The following TMTC2 variants were observed in gnomAD, a reference collection of about 807,000 sequenced individuals.
TMTC2 encodes the protein transmembrane O-mannosyltransferase targeting cadherins 2.
In TMTC2, 43 loss-of-function variants were observed where a neutral mutation model predicts 82.4. The ratio of observed to expected loss-of-function variants is 0.52; its 90% CI spans 0.41 to 0.67. The LOEUF (loss-of-function observed/expected upper bound fraction) is 0.67, where lower values mean the gene tolerates loss of function less well. Among genes scored for constraint, TMTC2 ranks in the 30% least tolerant of loss-of-function variants. The pLI is 0.00. For missense variants in TMTC2, 919 were observed against 1,012.4 expected (o/e 0.91, Z 1.25); for synonymous variants, 408 against 381.9 (o/e 1.07, Z -0.80).
At chr12:82,740,306 C>T (rs1324968505) in intron 1 of TMTC2, among the ~76,000 whole-genome samples, 1 of 152,178 alleles carries the variant, frequency 6.6e-6, no homozygotes, top group Non-Finnish European at 1.5e-5. Flanking sequence ...TATTGAACAG[C>T]TACTATGTAG....
At chr12:82,915,564 G>C (rs141895835) in intron 3 of TMTC2, among the ~76,000 whole-genome samples, 1 of 152,290 alleles carries the variant, frequency 6.6e-6, no homozygotes, top group Non-Finnish European at 1.5e-5. Flanking sequence ...ATACCTGATG[G>C]CTGGATCCAC....
chr12:83,013,529 T>C (rs1166491177), intron 8 of TMTC2, among the ~76,000 whole-genome samples: 1 of 152,238 alleles, frequency 6.6e-6, no homozygotes, highest in African/African-American at 2.4e-5. Context: ...TTTGCATTTT[T>C]TGTGGACTTT....
intron 9 of TMTC2, among the ~76,000 whole-genome samples, chr12:83,046,877 G>A (rs1285815650): frequency 2.0e-5 from 3 of 152,140 alleles, no homozygotes; most frequent in Admixed American, 6.6e-5. Flanking sequence ...CATTGCTTCA[G>A]CATAATTAAT....
chr12:82,687,333 C>G lies in TMTC2; in HGVS notation c.-254C>G, dbSNP rs1293854768. On this transcript the variant is annotated 5_prime_UTR_variant, in exon 1 of 12. Coordinates refer to ENST00000321196, the MANE Select transcript of TMTC2 (RefSeq NM_152588.3). The stretch of plus-strand genomic sequence containing the variant: ...GACGCGGAGCCCAAACGCCGCTCAC[C>G]GCTTGCGGGCGCCGGGCATGGGGAG... The G allele has an allele frequency of 1.8e-6, 1 of 544,710 alleles. No individual in the cohort carries two copies. The highest frequency in any genetic ancestry group is 2.1e-5 in the South Asian group (1 of 47,524). 33.7% of individuals were successfully genotyped at this position (544,710 alleles called of 1,614,324 possible). A position where few individuals can be genotyped will look rare whatever the true frequency, so the allele number is the denominator to read the frequency against.
chr12:83,096,662 C>T (rs535836443), intron 11 of TMTC2, among the ~76,000 whole-genome samples: 2 of 152,302 alleles, frequency 1.3e-5, no homozygotes, highest in African/African-American at 2.4e-5. Context: ...ATCACTAGAA[C>T]AGCAGGAGAA....
intron 11 of TMTC2, among the ~76,000 whole-genome samples, chr12:83,067,778 C>T (rs1882971059): frequency 6.6e-6 from 1 of 151,928 alleles, no homozygotes; most frequent in Non-Finnish European, 1.5e-5. Flanking sequence ...TGGTAGATTA[C>T]TTCTAGTTTG....
At chr12:82,923,794 A>G (rs1249119895) in intron 3 of TMTC2, among the ~76,000 whole-genome samples, 2 of 152,220 alleles carry the variant, frequency 1.3e-5, no homozygotes, top group Non-Finnish European at 2.9e-5. Context: ...GAGAACTGAC[A>G]TCTTTATAAT....
intron 11 of TMTC2, among the ~76,000 whole-genome samples, chr12:83,131,883 G>A (rs1026376157): frequency 6.6e-6 from 1 of 152,044 alleles, no homozygotes; most frequent in African/African-American, 2.4e-5. Flanking sequence ...ATCTGAAATT[G>A]TATCACTTGT....
At chr12:82,881,466 G>T (rs1397274446) in intron 2 of TMTC2, among the ~76,000 whole-genome samples, 2 of 152,176 alleles carry the variant, frequency 1.3e-5, no homozygotes, top group South Asian at 2.1e-4. Flanking sequence ...ATTACACAAA[G>T]ATTTCATCTA....
intron 1 of TMTC2, among the ~76,000 whole-genome samples, chr12:82,772,619 T>C (rs1364560445): frequency 1.3e-5 from 2 of 151,996 alleles, no homozygotes; most frequent in Non-Finnish European, 2.9e-5. Flanking sequence ...GTAGAAAAAA[T>C]GTTGGTTTCT....
intron 1 of TMTC2, chr12:82,690,336 A>T (rs539328495): frequency 1.0e-6 from 1 of 984,452 alleles, no homozygotes; most frequent in Non-Finnish European, 1.2e-6. Flanking sequence ...CAGTTCTGTA[A>T]GGAGAGGCCA....
intron 9 of TMTC2, among the ~76,000 whole-genome samples, chr12:83,049,157 C>T (rs144994733): frequency 6.8e-4 from 103 of 152,146 alleles, no homozygotes; most frequent in African/African-American, 2.2e-3. Context: ...TTTAGGTTCA[C>T]GTACAGGTTA....
intron 1 of TMTC2, among the ~76,000 whole-genome samples, chr12:82,735,935 T>G (rs1346522806): frequency 6.6e-6 from 1 of 151,788 alleles, no homozygotes; most frequent in African/African-American, 2.4e-5. Context: ...TTCATGCCAT[T>G]GCACTGCAGC....
intron 1 of TMTC2, among the ~76,000 whole-genome samples, chr12:82,804,011 T>G (rs73358241): frequency 0.014 from 2,164 of 152,178 alleles, 50 homozygotes; most frequent in African/African-American, 0.05. Flanking sequence ...CCCCTATGGA[T>G]TCATCTCCGG....
At chr12:82,906,134 T>C (rs1408313601) in intron 3 of TMTC2, among the ~76,000 whole-genome samples, 1 of 152,080 alleles carries the variant, frequency 6.6e-6, no homozygotes, top group East Asian at 1.9e-4. Context: ...ACAATTTAAG[T>C]GAAACTCAAG....
intron 9 of TMTC2, 31 bp from the exon 10 acceptor site, chr12:83,050,873 G>A: frequency 1.3e-6 from 2 of 1,499,338 alleles, no homozygotes; most frequent in Non-Finnish European, 1.8e-6. Flanking sequence ...GATTTTCTGA[G>A]TTGAAGCTCA....
chr12:82,876,686 C>T (rs990170278), intron 2 of TMTC2, among the ~76,000 whole-genome samples: 9 of 152,060 alleles, frequency 5.9e-5, no homozygotes, highest in African/African-American at 1.7e-4. Flanking sequence ...TTATAATTGA[C>T]GTTTTTCAAG....
intron 1 of TMTC2, among the ~76,000 whole-genome samples, chr12:82,789,826 A>G (rs953710488): frequency 1.3e-5 from 2 of 152,128 alleles, no homozygotes; most frequent in East Asian, 1.9e-4. Context: ...GTGTTCTATT[A>G]TATTTGCTTT....
rs1327054472 is a variant in TMTC2 at position 82,902,662 on chromosome 12, A to G, written c.1483+6016A>G. Reference sequence around the variant, plus strand: ...AGGGCATGGTGTTCCACTGTCCCCAATTATTCTCTGGCTGCCAGTTTCTCT... The same window carrying G: ...AGGGCATGGTGTTCCACTGTCCCCAGTTATTCTCTGGCTGCCAGTTTCTCT... On this transcript the variant is annotated intron_variant, in intron 3 of 11. Transcript: ENST00000321196. Among the ~76,000 whole-genome samples the G allele has an allele frequency of 7.2e-5, 11 of 152,240 alleles. 1 individual carries two copies. The highest frequency in any genetic ancestry group is 2.0e-4 in the Admixed American group (3 of 15,290).
Sources: gnomAD v4.1 joint callset for allele counts (sites outside exome capture counted in the v4.1 genomes callset) on GRCh38, gnomAD v4.1.1 for gene constraint, MANE v1.5 for transcripts, NCBI Gene and HGNC (gene_info 2026-07-23, HGNC 2026-07-21) for gene names.